The following TBC1D19 variants were observed in gnomAD, a reference collection of about 807,000 sequenced individuals.
The protein encoded by TBC1D19 is TBC1 domain family member 19, also known as TBC1 domain family, member 19.
Under a neutral mutation model 89.0 loss-of-function variants are expected in TBC1D19, and 60 were observed. The observed-to-expected ratio is 0.67, with a 90% CI of 0.55 to 0.84. The LOEUF (loss-of-function observed/expected upper bound fraction) is 0.84. Ranked by LOEUF, TBC1D19 falls within the 40% of genes least tolerant of loss-of-function variation. The pLI, the probability that TBC1D19 is intolerant of heterozygous loss-of-function variation, is 0.00. For missense variants in TBC1D19, 500 were observed against 610.8 expected, an observed-to-expected ratio of 0.82 and a Z score of 1.91; for synonymous variants, 189 against 199.7, an observed-to-expected ratio of 0.95 and a Z score of 0.45.
At chr4:26,700,055 A>G (rs1330838272) in intron 13 of TBC1D19, among the ~76,000 whole-genome samples, 5 of 152,036 alleles carry the variant, frequency 3.3e-5, no homozygotes, top group Admixed American at 6.6e-5. Context: ...AAAGAAAAAA[A>G]AAGAAATTAT....
intron 1 of TBC1D19, among the ~76,000 whole-genome samples, chr4:26,612,068 T>C (rs902382548): frequency 2.0e-5 from 3 of 152,006 alleles, no homozygotes; most frequent in Non-Finnish European, 4.4e-5. Flanking sequence ...CATCAGATAG[T>C]CAGTTGCTTT....
At chr4:26,760,004 G>A (rs1719405776), downstream of TBC1D19, among the ~76,000 whole-genome samples, 1 of 152,146 alleles carries the variant, frequency 6.6e-6, no homozygotes, top group African/African-American at 2.4e-5. Flanking sequence ...TTATGTGTAA[G>A]CACGTGTTTA....
intron 15 of TBC1D19, among the ~76,000 whole-genome samples, chr4:26,727,970 T>C (rs1717415036): frequency 1.3e-5 from 2 of 152,208 alleles, no homozygotes; most frequent in African/African-American, 4.8e-5. Flanking sequence ...AGAGAAGCTA[T>C]AGATTTCAGA....
chr4:26,791,326 A>G, the TBC1D19 span, among the ~76,000 whole-genome samples: 28 of 152,306 alleles, frequency 1.8e-4, no homozygotes, highest in Admixed American at 3.9e-4. Flanking sequence ...AGGGGATACA[A>G]TGGTGAACAA....
At chr4:26,797,423 G>A in the TBC1D19 span, among the ~76,000 whole-genome samples, 4 of 152,166 alleles carry the variant, frequency 2.6e-5, no homozygotes, top group African/African-American at 9.7e-5. Flanking sequence ...AACATCCCAT[G>A]CTCATGGATT....
At chr4:26,823,921 A>C in the TBC1D19 span, among the ~76,000 whole-genome samples, 1 of 151,850 alleles carries the variant, frequency 6.6e-6, no homozygotes, top group African/African-American at 2.4e-5. Context: ...AACCCCACTG[A>C]CTCTTAGTGA....
intron 15 of TBC1D19, among the ~76,000 whole-genome samples, chr4:26,727,360 C>G (rs1325327272): frequency 6.6e-6 from 1 of 152,158 alleles, no homozygotes; most frequent in Non-Finnish European, 1.5e-5. Flanking sequence ...TTCAACAAAG[C>G]GGACTGTGTA....
the TBC1D19 span, among the ~76,000 whole-genome samples, chr4:26,764,744 A>G: frequency 4.5e-4 from 68 of 152,280 alleles, no homozygotes; most frequent in East Asian, 0.01. Context: ...AAAGGTAAGG[A>G]GGGTTTGGTG....
intron 7 of TBC1D19, among the ~76,000 whole-genome samples, chr4:26,653,031 T>A (rs1187596551): frequency 2.0e-5 from 3 of 152,248 alleles, no homozygotes; most frequent in African/African-American, 4.8e-5. Flanking sequence ...TTCTACATAC[T>A]GCTTTGAATG....
At chr4:26,704,277 T>G (rs537539830) in intron 13 of TBC1D19, among the ~76,000 whole-genome samples, 8 of 152,170 alleles carry the variant, frequency 5.3e-5, no homozygotes, top group African/African-American at 7.2e-5. Context: ...AGTACCATTT[T>G]CAGACTTCAA....
the TBC1D19 span, among the ~76,000 whole-genome samples, chr4:26,842,335 CTTTTCTTTTTT>C: frequency 3.2e-3 from 283 of 87,426 alleles, no homozygotes; most frequent in Non-Finnish European, 5.3e-3. Flanking sequence ...CTTTTCTTTT[CTTTTCTTTTTT>C]TTTTTTTTTT....
chr4:26,707,921 A>T lies in TBC1D19; in HGVS notation c.955-10012A>T, dbSNP rs144417466. Among the ~76,000 whole-genome samples, 607 of 152,192 alleles carry T rather than the reference A, an allele frequency of 4.0e-3. 2 individuals are homozygous for T. The highest frequency in any genetic ancestry group is 0.026 in the South Asian group (124 of 4,828). ...CACAAACCCAGAAATTATGTAGAAAACAAAATGTGGAGTTGCAATCCAAAG... is the reference window on the plus strand; with the variant it reads ...CACAAACCCAGAAATTATGTAGAAATCAAAATGTGGAGTTGCAATCCAAAG... On this transcript the variant is annotated intron_variant, in intron 13 of 20. Transcript: ENST00000264866.
At chr4:26,746,425 T>A (rs1028190033) in intron 18 of TBC1D19, among the ~76,000 whole-genome samples, 7 of 151,314 alleles carry the variant, frequency 4.6e-5, no homozygotes, top group African/African-American at 1.7e-4. Context: ...TTTCTACTGA[T>A]CTATAGTCAA....
the TBC1D19 span, among the ~76,000 whole-genome samples, chr4:26,838,111 TCTTGGCCC>T: frequency 6.6e-6 from 1 of 152,170 alleles, no homozygotes; most frequent in African/African-American, 2.4e-5. Context: ...TTTCCCATTC[TCTTGGCCC>T]CTTTCCCATC....
At chr4:26,644,649 A>G (rs1262762150) in intron 7 of TBC1D19, among the ~76,000 whole-genome samples, 1 of 152,214 alleles carries the variant, frequency 6.6e-6, no homozygotes, top group Non-Finnish European at 1.5e-5. Context: ...TTTGCAGATG[A>G]CATGATTGTA....
At chr4:26,829,860 C>CG in the TBC1D19 span, among the ~76,000 whole-genome samples, 1 of 152,168 alleles carries the variant, frequency 6.6e-6, no homozygotes, top group African/African-American at 2.4e-5. Context: ...CCCGGAATGA[C>CG]TTTAGTAAGC....
At chr4:26,593,679 G>A (rs1350367276) in intron 1 of TBC1D19, among the ~76,000 whole-genome samples, 1 of 152,152 alleles carries the variant, frequency 6.6e-6, no homozygotes, top group Non-Finnish European at 1.5e-5. Context: ...AGTGGGCAAA[G>A]GATATGAACA....
the TBC1D19 span, among the ~76,000 whole-genome samples, chr4:26,772,259 C>T: frequency 1.3e-5 from 2 of 151,942 alleles, no homozygotes; most frequent in Non-Finnish European, 2.9e-5. Context: ...AAGGCTTTAC[C>T]TCGCAGGTCT....
At chr4:26,816,450 G>A in the TBC1D19 span, among the ~76,000 whole-genome samples, 5 of 152,052 alleles carry the variant, frequency 3.3e-5, no homozygotes, top group African/African-American at 1.2e-4. Context: ...ATGAAAAACA[G>A]GATATTTGCA....
Sources: allele counts gnomAD v4.1 joint callset (sites outside exome capture counted in the v4.1 genomes callset), GRCh38; gene constraint gnomAD v4.1.1; transcripts MANE v1.5; gene names NCBI Gene and HGNC (gene_info 2026-07-23, HGNC 2026-07-21).